The following PTPRD variants were observed in gnomAD, a reference collection of about 807,000 sequenced individuals.
The protein encoded by PTPRD is protein tyrosine phosphatase receptor type D.
A neutral mutation model predicts 214.5 loss-of-function variants in PTPRD; 34 were observed. The observed-to-expected ratio is 0.16, with a 90% confidence interval of 0.12 to 0.21. The LOEUF is 0.21. PTPRD is among the 10% of genes least tolerant of loss of function. The probability of loss-of-function intolerance (pLI) is 1.00; values close to 1 mark genes in which losing one functional copy is unlikely to be tolerated. For missense variants in PTPRD, 2,545 were observed against 2,398.7 expected (o/e 1.06, Z -1.27); for synonymous variants, 1,128 against 845.7 (o/e 1.33, Z -5.79).
chr9:9,918,949 T>C (rs1013186147), intron 5 of PTPRD, among the ~76,000 whole-genome samples: 2 of 152,056 alleles, frequency 1.3e-5, no homozygotes, highest in African/African-American at 2.4e-5. Context: ...AAATGGCATA[T>C]AGTTACAGAT....
intron 3 of PTPRD, among the ~76,000 whole-genome samples, chr9:10,072,112 T>G (rs182864250): frequency 6.6e-6 from 1 of 151,934 alleles, no homozygotes; most frequent in African/African-American, 2.4e-5. Context: ...TATCTAATAA[T>G]ATACTTGTAT....
intron 3 of PTPRD, among the ~76,000 whole-genome samples, chr9:10,118,525 C>A (rs967580559): frequency 6.6e-6 from 1 of 151,518 alleles, no homozygotes; most frequent in Non-Finnish European, 1.5e-5. Flanking sequence ...ATATTATAGG[C>A]TATCGTTATT....
chr9:9,454,534 C>G (rs1208094991), intron 8 of PTPRD, among the ~76,000 whole-genome samples: 2 of 151,866 alleles, frequency 1.3e-5, no homozygotes, highest in South Asian at 2.1e-4. Context: ...ATCAGAAATT[C>G]AAGTGTTCCC....
At chr9:9,636,798 A>T (rs1360870759) in intron 7 of PTPRD, among the ~76,000 whole-genome samples, 1 of 152,220 alleles carries the variant, frequency 6.6e-6, no homozygotes, top group Non-Finnish European at 1.5e-5. Context: ...GCTATAACAG[A>T]ATATCAAATA....
At chr9:9,369,696 C>T (rs1001837670) in intron 9 of PTPRD, among the ~76,000 whole-genome samples, 1 of 152,064 alleles carries the variant, frequency 6.6e-6, no homozygotes, top group African/African-American at 2.4e-5. Flanking sequence ...ATGCCTATGT[C>T]CTGAATGGTA....
chr9:10,096,298 C>T (rs1360234924), intron 3 of PTPRD, among the ~76,000 whole-genome samples: 1 of 151,706 alleles, frequency 6.6e-6, no homozygotes, highest in Non-Finnish European at 1.5e-5. Context: ...TGTAGAACAA[C>T]CAAAGTGGTG....
At chr9:9,342,918 T>A (rs1030163098) in intron 9 of PTPRD, among the ~76,000 whole-genome samples, 1 of 152,032 alleles carries the variant, frequency 6.6e-6, no homozygotes, top group Non-Finnish European at 1.5e-5. Flanking sequence ...GTATGTGATG[T>A]TCCCTTCCCT....
At chr9:10,156,555 T>C (rs530786900) in intron 3 of PTPRD, among the ~76,000 whole-genome samples, 1 of 152,280 alleles carries the variant, frequency 6.6e-6, no homozygotes, top group African/African-American at 2.4e-5. Flanking sequence ...TTATATATGA[T>C]TGTTTGGTCT....
chr9:8,461,398 G>A (rs746282973), intron 32 of PTPRD, among the ~76,000 whole-genome samples: 22 of 152,060 alleles, frequency 1.4e-4, no homozygotes, highest in African/African-American at 4.3e-4. Flanking sequence ...ACTAAATATC[G>A]ATGATTTTTA....
chr9:8,807,482 A>G (rs2096710523), intron 11 of PTPRD, among the ~76,000 whole-genome samples: 1 of 152,212 alleles, frequency 6.6e-6, no homozygotes, highest in Admixed American at 6.5e-5. Flanking sequence ...TAATCACTAT[A>G]ATCAAACAAA....
rs181286254 is a variant in PTPRD, at chr9:10,319,144, A to G, written c.-545+21819T>C. 1.5e-4 allele frequency among the ~76,000 whole-genome samples: 23 copies of G among 152,224 alleles called. 1 individual carries two copies. Among genetic ancestry groups the G allele is most frequent in the Admixed American group, 1.4e-3 (21 of 15,278 alleles). The stretch of plus-strand genomic sequence containing the variant: ...TGGCAAGACACCACCAGCATAAGCT[A>G]CTTATTATATGATGATTCAAAAGGA... On this transcript the variant is annotated intron_variant, in intron 3 of 45. Transcript: ENST00000381196.
At chr9:9,843,589 C>G (rs1240820353) in intron 5 of PTPRD, among the ~76,000 whole-genome samples, 1 of 151,790 alleles carries the variant, frequency 6.6e-6, no homozygotes, top group Non-Finnish European at 1.5e-5. Context: ...TGCCTCTCCA[C>G]CCACACATTT....
At chr9:9,419,862 T>A (rs72702546) in intron 8 of PTPRD, among the ~76,000 whole-genome samples, 171 of 151,762 alleles carry the variant, frequency 1.1e-3, no homozygotes, top group Non-Finnish European at 2.1e-3. Flanking sequence ...TTAAGAAAAA[T>A]ATTTTATAGA....
intron 10 of PTPRD, among the ~76,000 whole-genome samples, chr9:9,065,008 G>A (rs2099723766): frequency 6.6e-6 from 1 of 152,142 alleles, no homozygotes; most frequent in Non-Finnish European, 1.5e-5. Context: ...TCATATGCCT[G>A]AACTTTTGGC....
At chr9:9,300,018 A>G (rs540130095) in intron 9 of PTPRD, among the ~76,000 whole-genome samples, 2 of 149,708 alleles carry the variant, frequency 1.3e-5, no homozygotes, top group South Asian at 4.3e-4. Context: ...TTACTGACAC[A>G]CAATTTTTAA....
chr9:9,422,963 C>T (rs1056487244), intron 8 of PTPRD, among the ~76,000 whole-genome samples: 1 of 152,116 alleles, frequency 6.6e-6, no homozygotes, highest in African/African-American at 2.4e-5. Flanking sequence ...CCCTGATAAA[C>T]ATGTCAGGCC....
At chr9:9,329,918 C>A (rs562250501) in intron 9 of PTPRD, among the ~76,000 whole-genome samples, 1 of 152,264 alleles carries the variant, frequency 6.6e-6, no homozygotes, top group South Asian at 2.1e-4. Context: ...AGGGCCCTAC[C>A]TTCTCAGTCA....
At chr9:8,654,546 T>C (rs1047864990) in intron 12 of PTPRD, among the ~76,000 whole-genome samples, 1 of 152,222 alleles carries the variant, frequency 6.6e-6, no homozygotes, top group African/African-American at 2.4e-5. Context: ...CACCTACTTA[T>C]GCTTTTATTG....
At chr9:9,214,602 G>A (rs375956448) in intron 9 of PTPRD, among the ~76,000 whole-genome samples, 47 of 152,104 alleles carry the variant, frequency 3.1e-4, no homozygotes, top group African/African-American at 1.1e-3. Context: ...GTCTTTACCA[G>A]GGTAAAACTG....
Sources: allele counts gnomAD v4.1 joint callset (sites outside exome capture counted in the v4.1 genomes callset), GRCh38; gene constraint gnomAD v4.1.1; transcripts MANE v1.5; gene names NCBI Gene and HGNC (gene_info 2026-07-23, HGNC 2026-07-21).